The following IL1RAPL1 variants were observed in gnomAD, a reference collection of about 807,000 sequenced individuals.
IL1RAPL1 encodes the protein interleukin-1 receptor accessory protein-like 1.
IL1RAPL1 carries 3 observed loss-of-function variants against 48.4 expected under a neutral mutation model. The ratio of observed to expected loss-of-function variants is 0.06; its 90% confidence interval spans 0.03 to 0.16. IL1RAPL1 has a LOEUF of 0.16. Among genes scored for constraint, IL1RAPL1 ranks in the 10% least tolerant of loss-of-function variants. The probability of loss-of-function intolerance (pLI) is 1.00; values close to 1 mark genes in which losing one functional copy is unlikely to be tolerated. For synonymous variants in IL1RAPL1, 185 were observed against 187.7 expected (o/e 0.99, Z 0.12); for missense variants, 349 against 530.6 (o/e 0.66, Z 3.36).
intron 2 of IL1RAPL1, among the ~76,000 whole-genome samples, chrX:28,849,392 G>A (rs1921599506): frequency 9.0e-6 from 1 of 111,574 alleles, no homozygotes; most frequent in Non-Finnish European, 1.9e-5. Flanking sequence ...ATTCCTATTG[G>A]GATAACATGA....
intron 5 of IL1RAPL1, among the ~76,000 whole-genome samples, chrX:29,429,244 A>G (rs953987464): frequency 8.9e-6 from 1 of 111,977 alleles, no homozygotes; most frequent in Non-Finnish European, 1.9e-5. Context: ...TCCCCATACT[A>G]CAGAGTAAGT....
chrX:29,913,120 C>T (rs975833126), intron 6 of IL1RAPL1, among the ~76,000 whole-genome samples: 1 of 111,099 alleles, frequency 9.0e-6, no homozygotes, highest in Non-Finnish European at 1.9e-5. Flanking sequence ...CACTAAGGCC[C>T]CTGGTTAGAG....
At chrX:29,878,816 T>C (rs1931963167) in intron 6 of IL1RAPL1, among the ~76,000 whole-genome samples, 1 of 111,728 alleles carries the variant, frequency 9.0e-6, no homozygotes, top group South Asian at 3.7e-4. Context: ...TTTTTAGTGT[T>C]TGGTTTAATG....
chrX:28,945,113 G>A (rs1924262803), intron 2 of IL1RAPL1, among the ~76,000 whole-genome samples: 1 of 111,452 alleles, frequency 9.0e-6, no homozygotes, highest in Admixed American at 9.5e-5. Flanking sequence ...AAATTCTGGC[G>A]AGGCTATGGA....
At chrX:29,687,169 T>G in intron 6 of IL1RAPL1, among the ~76,000 whole-genome samples, 1 of 111,403 alleles carries the variant, frequency 9.0e-6, no homozygotes, top group East Asian at 2.8e-4. Flanking sequence ...CAAAAGAAAT[T>G]GAATCAGTAA....
At chrX:29,394,985 T>A (rs1478386509) in intron 3 of IL1RAPL1, among the ~76,000 whole-genome samples, 1 of 112,087 alleles carries the variant, frequency 8.9e-6, no homozygotes, top group Admixed American at 9.5e-5. Context: ...AAAGCAAGAA[T>A]CTAAATAAGG....
At chrX:28,787,719 A>G (rs1936489356) in intron 1 of IL1RAPL1, among the ~76,000 whole-genome samples, 1 of 111,635 alleles carries the variant, frequency 9.0e-6, no homozygotes, top group African/African-American at 3.3e-5. Context: ...AATCAATTAA[A>G]ACCATTCAGA....
At chrX:29,665,758 G>A in intron 5 of IL1RAPL1, among the ~76,000 whole-genome samples, 1 of 112,188 alleles carries the variant, frequency 8.9e-6, no homozygotes, top group African/African-American at 3.2e-5. Flanking sequence ...CATGAGAAAT[G>A]TATCCAACTG....
At chrX:29,192,632 T>C (rs1930373369) in intron 2 of IL1RAPL1, among the ~76,000 whole-genome samples, 1 of 112,226 alleles carries the variant, frequency 8.9e-6, no homozygotes, top group South Asian at 3.6e-4. Context: ...AATATAATTT[T>C]AAAAAGCTAT....
chrX:28,607,216 G>A (rs991249391), intron 1 of IL1RAPL1, among the ~76,000 whole-genome samples: 3 of 109,531 alleles, frequency 2.7e-5, no homozygotes, highest in African/African-American at 9.9e-5. Context: ...CAAACCTTGG[G>A]TAATTAAAGT....
At chrX:29,608,968 A>G (rs1441349292) in intron 5 of IL1RAPL1, among the ~76,000 whole-genome samples, 1 of 112,389 alleles carries the variant, frequency 8.9e-6, no homozygotes, top group Non-Finnish European at 1.9e-5. Context: ...TTTATTTAAG[A>G]AAATAGATGA....
At chrX:29,436,522 CATCTT>C (rs201769770) in intron 5 of IL1RAPL1, among the ~76,000 whole-genome samples, 1,236 of 109,859 alleles carry the variant, frequency 0.011, 20 homozygotes, top group African/African-American at 0.038. Context: ...AGAATATAAA[CATCTT>C]ATAATAATTC....
chrX:29,216,138 G>A (rs1411062108), intron 2 of IL1RAPL1, among the ~76,000 whole-genome samples: 1 of 111,322 alleles, frequency 9.0e-6, no homozygotes, highest in Non-Finnish European at 1.9e-5. Flanking sequence ...TGGACTTTAG[G>A]CTTATTTGTT....
chrX:29,550,470 C>A (rs764471147), intron 5 of IL1RAPL1, among the ~76,000 whole-genome samples: 1 of 112,014 alleles, frequency 8.9e-6, no homozygotes, highest in African/African-American at 3.2e-5. Context: ...TGAGCCACTG[C>A]GCCCGGCCTA....
intron 6 of IL1RAPL1, among the ~76,000 whole-genome samples, chrX:29,903,565 T>C (rs1932544055): frequency 9.0e-6 from 1 of 111,302 alleles, no homozygotes; most frequent in Non-Finnish European, 1.9e-5. Flanking sequence ...AGTTAGAGAG[T>C]GTCCTCTAGT....
chrX:28,811,445 A>G (rs1936792488), intron 2 of IL1RAPL1, among the ~76,000 whole-genome samples: 1 of 110,485 alleles, frequency 9.1e-6, no homozygotes, highest in Non-Finnish European at 1.9e-5. Flanking sequence ...TTTTGCATAG[A>G]TTGCTATCAA....
chrX:29,487,553 A>G (rs746479901), intron 5 of IL1RAPL1, among the ~76,000 whole-genome samples: 2 of 112,257 alleles, frequency 1.8e-5, no homozygotes, highest in South Asian at 3.7e-4. Flanking sequence ...GGTCAATATG[A>G]TACAAGCTGT....
chrX:29,230,504 CAAAAAAAAAA>C (rs60539139), intron 2 of IL1RAPL1, among the ~76,000 whole-genome samples: 11 of 16,595 alleles, frequency 6.6e-4, no homozygotes, highest in Non-Finnish European at 8.4e-4. Context: ...GTCCCTTTAC[CAAAAAAAAAA>C]AAAAAAAAAA....
intron 1 of IL1RAPL1, among the ~76,000 whole-genome samples, chrX:28,728,511 A>AATTGT (rs748733508): frequency 1.3e-4 from 15 of 111,702 alleles, no homozygotes; most frequent in Non-Finnish European, 1.1e-4. Flanking sequence ...TCTCTAAAAA[A>AATTGT]ATTGTTTCTT....
Sources: gnomAD v4.1 joint callset for allele counts (sites outside exome capture counted in the v4.1 genomes callset) on GRCh38, gnomAD v4.1.1 for gene constraint, MANE v1.5 for transcripts, NCBI Gene and HGNC (gene_info 2026-07-23, HGNC 2026-07-21) for gene names.